The following AHI1 variants were observed in gnomAD, a reference collection of about 807,000 sequenced individuals.
AHI1 encodes the protein jouberin.
A neutral mutation model predicts 149.3 loss-of-function variants in AHI1; 123 were observed. The observed-to-expected ratio is 0.82, with a 90% CI of 0.71 to 0.96. The LOEUF is 0.96. Among genes scored for constraint, AHI1 ranks in the 40% least tolerant of loss-of-function variants. The pLI is 0.00. For missense variants in AHI1, 1,439 were observed against 1,422.7 expected, an observed-to-expected ratio of 1.01 and a Z score of -0.18; for synonymous variants, 475 against 459.8, an observed-to-expected ratio of 1.03 and a Z score of -0.42.
At chr6:135,385,650 AC>A (rs1187005619) in intron 23 of AHI1, among the ~76,000 whole-genome samples, 4 of 152,170 alleles carry the variant, frequency 2.6e-5, no homozygotes, top group African/African-American at 9.7e-5. Flanking sequence ...TGACTATGAA[AC>A]CTGTGAATTT....
At chr6:135,306,212 G>A (rs558030306) in intron 26 of AHI1, among the ~76,000 whole-genome samples, 3 of 152,300 alleles carry the variant, frequency 2.0e-5, no homozygotes, top group Admixed American at 2.0e-4. Context: ...GCTGGTAGGT[G>A]AGTGGGGATG....
intron 8 of AHI1, among the ~76,000 whole-genome samples, chr6:135,458,099 G>T (rs985722139): frequency 1.9e-4 from 29 of 151,996 alleles, no homozygotes; most frequent in Non-Finnish European, 3.8e-4. Flanking sequence ...GTAACAACTG[G>T]AAAGAGCCAA....
intron 23 of AHI1, among the ~76,000 whole-genome samples, chr6:135,371,679 C>T (rs936654220): frequency 3.9e-5 from 6 of 152,156 alleles, no homozygotes; most frequent in African/African-American, 1.4e-4. Context: ...GAGATTTTAA[C>T]ATTTGAAGTC....
intron 23 of AHI1, among the ~76,000 whole-genome samples, chr6:135,377,042 TAAGC>T (rs1313200063): frequency 1.3e-5 from 2 of 150,358 alleles, no homozygotes; most frequent in African/African-American, 4.9e-5. Context: ...CTGAATAAAA[TAAGC>T]AAGCAAACAA....
chr6:135,363,902 C>G (rs1794402903), intron 23 of AHI1, among the ~76,000 whole-genome samples: 4 of 149,696 alleles, frequency 2.7e-5, no homozygotes, highest in Admixed American at 6.6e-5. Flanking sequence ...GCTGACCCCC[C>G]CCACCTCCCT....
intron 7 of AHI1, 134 bp from the exon 8 acceptor site, chr6:135,463,440 C>T (rs1268127361): frequency 2.9e-6 from 2 of 696,814 alleles, no homozygotes; most frequent in Non-Finnish European, 4.3e-6. Context: ...TTGAGAGATG[C>T]ATGTATTTTC....
chr6:135,427,580 G>A (rs1784082715), intron 19 of AHI1, among the ~76,000 whole-genome samples: 2 of 151,646 alleles, frequency 1.3e-5, no homozygotes. Context: ...GACGGAAGTA[G>A]AGAGGTATAT....
At chr6:135,341,740 C>T (rs982318768) in intron 24 of AHI1, among the ~76,000 whole-genome samples, 1 of 151,314 alleles carries the variant, frequency 6.6e-6, no homozygotes, top group African/African-American at 2.4e-5. Flanking sequence ...AAAATAAAAC[C>T]CCAGGGAAAT....
At chr6:135,310,570 T>A (rs562643408) in intron 26 of AHI1, among the ~76,000 whole-genome samples, 4 of 152,240 alleles carry the variant, frequency 2.6e-5, no homozygotes, top group Non-Finnish European at 5.9e-5. Flanking sequence ...CATGCTCTTA[T>A]TGACTCTACA....
chr6:135,357,138 C>T (rs550832999), intron 24 of AHI1, among the ~76,000 whole-genome samples: 2 of 152,260 alleles, frequency 1.3e-5, no homozygotes, highest in Non-Finnish European at 1.5e-5. Context: ...GGGGTTTCAC[C>T]ATGTTGGCCA....
At chr6:135,481,924 A>G (rs1230819047) in intron 5 of AHI1, among the ~76,000 whole-genome samples, 1 of 151,538 alleles carries the variant, frequency 6.6e-6, no homozygotes, top group Non-Finnish European at 1.5e-5. Flanking sequence ...TCTTTTAGCT[A>G]GAATAGTTTC....
At chr6:135,412,482 A>T (rs1781746844) in intron 20 of AHI1, among the ~76,000 whole-genome samples, 1 of 152,146 alleles carries the variant, frequency 6.6e-6, no homozygotes. Context: ...TCTTAACATC[A>T]TTCTTATTTT....
chr6:135,410,365 G>A (rs950036241), intron 21 of AHI1, among the ~76,000 whole-genome samples: 1 of 152,178 alleles, frequency 6.6e-6, no homozygotes, highest in African/African-American at 2.4e-5. Context: ...GTGAGACCCT[G>A]TCTCTAAATT....
intron 24 of AHI1, among the ~76,000 whole-genome samples, chr6:135,334,418 C>T (rs539668408): frequency 1.3e-5 from 2 of 152,232 alleles, no homozygotes; most frequent in Admixed American, 6.5e-5. Context: ...ATCAAATCTG[C>T]CAGTCCCTTG....
At chr6:135,287,061 A>G (rs1781772487) in intron 28 of AHI1, among the ~76,000 whole-genome samples, 1 of 152,220 alleles carries the variant, frequency 6.6e-6, no homozygotes, top group Non-Finnish European at 1.5e-5. Flanking sequence ...AGGAAGAATA[A>G]GGCAAAACAA....
chr6:135,483,218 T>C (rs1194265354), intron 5 of AHI1, among the ~76,000 whole-genome samples: 3 of 152,064 alleles, frequency 2.0e-5, no homozygotes, highest in Non-Finnish European at 4.4e-5. Context: ...TTTTTAAATT[T>C]AGTTACCCCC....
At chr6:135,481,946 C>A (rs764893917) in intron 5 of AHI1, among the ~76,000 whole-genome samples, 24 of 151,268 alleles carry the variant, frequency 1.6e-4, no homozygotes, top group Non-Finnish European at 2.7e-4. Context: ...GATGAGAAGT[C>A]TGCTGTCATT....
intron 24 of AHI1, among the ~76,000 whole-genome samples, chr6:135,350,922 G>T (rs1403532644): frequency 6.6e-6 from 1 of 151,932 alleles, no homozygotes; most frequent in Non-Finnish European, 1.5e-5. Context: ...AGTTACTGAG[G>T]GTGTAAAGCA....
intron 5 of AHI1, among the ~76,000 whole-genome samples, chr6:135,476,161 A>G (rs916458411): frequency 1.3e-5 from 2 of 152,084 alleles, no homozygotes; most frequent in Admixed American, 1.3e-4. Context: ...TTTCATTTTT[A>G]GTTAGTTCAA....
Sources: allele counts gnomAD v4.1 joint callset (sites outside exome capture counted in the v4.1 genomes callset), GRCh38; gene constraint gnomAD v4.1.1; transcripts MANE v1.5; gene names NCBI Gene and HGNC (gene_info 2026-07-23, HGNC 2026-07-21).